CDH13: variants seen among roughly 807,000 people sequenced by gnomAD.
The protein encoded by CDH13 is cadherin 13.
CDH13 carries 24 observed loss-of-function variants against 63.8 expected under a neutral mutation model. That is an observed-to-expected ratio of 0.38 (90% CI 0.27 to 0.53). CDH13 has a LOEUF of 0.53. CDH13 is among the 20% of genes least tolerant of loss of function. The pLI is 0.85. For missense variants in CDH13, 1,049 were observed against 903.1 expected (o/e 1.16, Z -2.07); for synonymous variants, 503 against 355.3 (o/e 1.42, Z -4.67).
intron 6 of CDH13, among the ~76,000 whole-genome samples, chr16:83,376,848 G>A (rs1040884452): frequency 2.6e-5 from 4 of 152,140 alleles, no homozygotes; most frequent in Non-Finnish European, 5.9e-5. Flanking sequence ...CTTTGATCCA[G>A]GCCTTAAGAA....
intron 3 of CDH13, among the ~76,000 whole-genome samples, chr16:83,052,776 C>CG (rs2030493668): frequency 1.1e-5 from 1 of 92,920 alleles, no homozygotes; most frequent in African/African-American, 4.8e-5. Context: ...GACTTTATCT[C>CG]AAAAAAAAAA....
At chr16:83,499,056 C>A (rs1002874879) in intron 7 of CDH13, among the ~76,000 whole-genome samples, 1 of 152,166 alleles carries the variant, frequency 6.6e-6, no homozygotes. Flanking sequence ...TTCTTGTGAT[C>A]AAATACGTGT....
intron 10 of CDH13, among the ~76,000 whole-genome samples, chr16:83,714,679 G>A (rs1351549419): frequency 6.6e-6 from 1 of 152,126 alleles, no homozygotes; most frequent in African/African-American, 2.4e-5. Flanking sequence ...AGGAACTGTT[G>A]AATATTCATG....
intron 3 of CDH13, among the ~76,000 whole-genome samples, chr16:83,037,149 A>G (rs1347908604): frequency 6.6e-6 from 1 of 152,194 alleles, no homozygotes; most frequent in Non-Finnish European, 1.5e-5. Context: ...AATAATAGCT[A>G]CTACTATTTT....
chr16:82,869,377 C>T lies in CDH13; in HGVS notation c.157+10904C>T, dbSNP rs57009312. On this transcript the variant is annotated intron_variant, in intron 2 of 13. Coordinates refer to ENST00000567109, the MANE Select transcript of CDH13 (RefSeq NM_001257.5). ...TTTTTTTTTCTTTTTAAACACAAGT[C>T]AAGTGTAGTAGTGAGAAGTGCGGAA... Among the ~76,000 whole-genome samples the T allele has an allele frequency of 6.3e-3, 949 of 150,630 alleles. 8 individuals carry two copies. The highest frequency in any genetic ancestry group is 0.02 in the African/African-American group (802 of 40,862).
rs550662194 is a variant in CDH13 at position 83,783,529 on chromosome 16, T to C, written c.2134+57T>C. Reference sequence around the variant, plus strand: ...ACAGGAAATTGTAACTTCACTGGGTTCGTGAAGCCAGCATTTTCCCATATA... The same window carrying C: ...ACAGGAAATTGTAACTTCACTGGGTCCGTGAAGCCAGCATTTTCCCATATA... On this transcript the variant is annotated intron_variant, in intron 13 of 13. Coordinates refer to ENST00000567109, the MANE Select transcript of CDH13 (RefSeq NM_001257.5). 1.0e-5 allele frequency: 14 copies of C among 1,341,370 alleles called. No homozygotes were observed. The Admixed American group carries it at 2.3e-4, about 22-fold the overall frequency. 83.1% of individuals were successfully genotyped at this position (1,341,370 alleles called of 1,614,324 possible).
chr16:82,672,768 TACAC>T (rs58819198), intron 1 of CDH13, among the ~76,000 whole-genome samples: 11,903 of 144,570 alleles, frequency 0.082, 524 homozygotes, highest in Middle Eastern at 0.12. Context: ...TATATATGTG[TACAC>T]ACACACACAC....
At chr16:83,091,044 A>C (rs1043790954) in intron 3 of CDH13, among the ~76,000 whole-genome samples, 2 of 152,202 alleles carry the variant, frequency 1.3e-5, no homozygotes. Flanking sequence ...CTATGTTGCT[A>C]CATGATCTTT....
intron 4 of CDH13, among the ~76,000 whole-genome samples, chr16:83,147,164 A>G (rs2036786583): frequency 2.0e-5 from 3 of 152,198 alleles, no homozygotes; most frequent in Non-Finnish European, 1.5e-5. Flanking sequence ...AGATGTGTGA[A>G]GAGGTCAAAT....
intron 11 of CDH13, among the ~76,000 whole-genome samples, chr16:83,765,664 C>A (rs1914328792): frequency 6.6e-6 from 1 of 152,134 alleles, no homozygotes; most frequent in Non-Finnish European, 1.5e-5. Flanking sequence ...ATGAGATTCT[C>A]AGCTTATAGA....
At chr16:82,753,036 G>C (rs933526544) in intron 1 of CDH13, among the ~76,000 whole-genome samples, 1 of 152,216 alleles carries the variant, frequency 6.6e-6, no homozygotes, top group Non-Finnish European at 1.5e-5. Context: ...TGAATCATGA[G>C]TGCATGTAAT....
intron 5 of CDH13, among the ~76,000 whole-genome samples, chr16:83,275,453 G>T (rs566066184): frequency 6.6e-6 from 1 of 152,310 alleles, no homozygotes; most frequent in African/African-American, 2.4e-5. Context: ...GAGTAAAGAA[G>T]ACAGCACTGA....
At chr16:82,631,991 A>G (rs1908062197) in intron 1 of CDH13, among the ~76,000 whole-genome samples, 1 of 152,168 alleles carries the variant, frequency 6.6e-6, no homozygotes, top group Non-Finnish European at 1.5e-5. Flanking sequence ...CCATGGATGC[A>G]GTTTGTTTGG....
At chr16:82,961,575 A>T (rs1163811463) in intron 2 of CDH13, among the ~76,000 whole-genome samples, 1 of 143,486 alleles carries the variant, frequency 7.0e-6, no homozygotes, top group African/African-American at 2.8e-5. Context: ...GGGGACTTAA[A>T]AAAAAAAAAA....
At position 83,190,216 on chromosome 16, in the gene CDH13, C is replaced by T. The variant is rs530464077; in HGVS notation, c.484-27129C>T. On this transcript the variant is annotated intron_variant, in intron 4 of 13. Transcript: ENST00000567109. ...TCTCTGAGGCCAAATAAATGGGTTC[C>T]GCTTGGCTAGAAGTACATCTCATTA... Among the ~76,000 whole-genome samples, 66 of 152,262 alleles carry T rather than the reference C, an allele frequency of 4.3e-4. No homozygotes were observed. The South Asian group carries it at 7.3e-3, about 17-fold the overall frequency.
rs145269402 is a variant in CDH13, at chr16:82,929,585, G to A, written c.157+71112G>A. The stretch of plus-strand genomic sequence containing the variant: ...GAGAATGGCATGAACTCGGGAGGCG[G>A]AGCTTGCAGTGAGCAAACGTCACGC... On this transcript the variant is annotated intron_variant, in intron 2 of 13. Transcript: ENST00000567109. 4.4e-3 allele frequency among the ~76,000 whole-genome samples: 631 copies of A among 141,854 alleles called. 3 individuals carry two copies. Among genetic ancestry groups the A allele is most frequent in the African/African-American group, 0.016 (609 of 38,668 alleles). 93.1% of individuals were successfully genotyped at this position (141,854 alleles called of 152,430 possible). A position where few individuals can be genotyped will look rare whatever the true frequency, so the allele number is the denominator to read the frequency against.
At chr16:83,766,998 C>T (rs112117035) in intron 11 of CDH13, among the ~76,000 whole-genome samples, 48 of 152,272 alleles carry the variant, frequency 3.2e-4, no homozygotes, top group Middle Eastern at 3.4e-3. Flanking sequence ...CAACTCGGAA[C>T]GGTGAGTCAA....
intron 2 of CDH13, among the ~76,000 whole-genome samples, chr16:83,023,535 A>G (rs1915536896): frequency 6.6e-6 from 1 of 152,184 alleles, no homozygotes; most frequent in Non-Finnish European, 1.5e-5. Flanking sequence ...TTTGTTCACA[A>G]GTTTAATTGT....
chr16:83,715,658 G>C (rs1394780500), intron 10 of CDH13, among the ~76,000 whole-genome samples: 1 of 150,554 alleles, frequency 6.6e-6, no homozygotes. Flanking sequence ...GTCGCTGACA[G>C]GCAGGCGGGT....
Sources: allele counts gnomAD v4.1 joint callset (sites outside exome capture counted in the v4.1 genomes callset), GRCh38; gene constraint gnomAD v4.1.1; transcripts MANE v1.5; gene names NCBI Gene and HGNC (gene_info 2026-07-23, HGNC 2026-07-21).